Variants in CDH18 observed in about 807,000 individuals in gnomAD.
CDH18 encodes the protein cadherin 18.
A neutral mutation model predicts 67.9 loss-of-function variants in CDH18; 31 were observed. The observed-to-expected ratio is 0.46, with a 90% confidence interval of 0.34 to 0.62. CDH18 has a LOEUF of 0.62. Ranked by LOEUF, CDH18 falls within the 20% of genes least tolerant of loss-of-function variation. The pLI is 0.01. For synonymous variants in CDH18, 362 were observed against 347.2 expected, an observed-to-expected ratio of 1.04 and a Z score of -0.48; for missense variants, 890 against 975.5, an observed-to-expected ratio of 0.91 and a Z score of 1.17.
chr5:19,715,175 T>C (rs541455087), intron 5 of CDH18, among the ~76,000 whole-genome samples: 1 of 152,248 alleles, frequency 6.6e-6, no homozygotes, highest in Non-Finnish European at 1.5e-5. Context: ...CTAGACTTAA[T>C]ATTTTTCCTC....
chr5:20,060,363 C>T (rs1311537851), intron 2 of CDH18, among the ~76,000 whole-genome samples: 2 of 151,934 alleles, frequency 1.3e-5, no homozygotes, highest in African/African-American at 4.8e-5. Context: ...ACTCAGGAGG[C>T]TGAGGAAGGA....
At chr5:19,756,997 G>C (rs1554024952) in intron 3 of CDH18, among the ~76,000 whole-genome samples, 1 of 152,190 alleles carries the variant, frequency 6.6e-6, no homozygotes, top group Non-Finnish European at 1.5e-5. Context: ...TACCTAGTTG[G>C]TGTTGTAATT....
intron 1 of CDH18, among the ~76,000 whole-genome samples, chr5:20,557,028 T>C (rs1342945355): frequency 2.0e-5 from 3 of 152,280 alleles, no homozygotes; most frequent in Non-Finnish European, 4.4e-5. Context: ...AGAATAAGTA[T>C]GTTCTTGGAA....
intron 9 of CDH18, among the ~76,000 whole-genome samples, chr5:19,530,351 A>G (rs1748397135): frequency 6.6e-6 from 1 of 152,132 alleles, no homozygotes; most frequent in African/African-American, 2.4e-5. Context: ...AATTTTTGTT[A>G]CCTTTTGTTT....
chr5:20,550,739 G>C (rs1043233044), intron 1 of CDH18, among the ~76,000 whole-genome samples: 1 of 152,182 alleles, frequency 6.6e-6, no homozygotes, highest in Non-Finnish European at 1.5e-5. Context: ...AGTCCATTTA[G>C]TGTTGCTATG....
intron 2 of CDH18, among the ~76,000 whole-genome samples, chr5:19,979,608 A>G (rs1798841758): frequency 6.6e-6 from 1 of 152,184 alleles, no homozygotes; most frequent in South Asian, 2.1e-4. Flanking sequence ...TTAGTACTAA[A>G]TGAGAGTTTA....
intron 1 of CDH18, among the ~76,000 whole-genome samples, chr5:20,366,750 T>C (rs1400396795): frequency 1.3e-5 from 2 of 152,184 alleles, no homozygotes; most frequent in Non-Finnish European, 2.9e-5. Context: ...CCGATACATA[T>C]TAGCTAGCAT....
At chr5:19,748,132 A>AAAAAAAAAAAAAAAAAAT (rs1561215815) in intron 3 of CDH18, among the ~76,000 whole-genome samples, 1 of 144,332 alleles carries the variant, frequency 6.9e-6, no homozygotes, top group Non-Finnish European at 1.5e-5. Flanking sequence ...AAAAAAAAAA[A>AAAAAAAAAAAAAAAAAAT]AGAGTACTTT....
At chr5:19,702,161 T>TG (rs1385576916) in intron 5 of CDH18, among the ~76,000 whole-genome samples, 1 of 148,292 alleles carries the variant, frequency 6.7e-6, no homozygotes, top group Non-Finnish European at 1.5e-5. Context: ...TTTTTTTTTT[T>TG]TTTTTGAGAT....
At chr5:20,518,705 T>C (rs1178709950) in intron 1 of CDH18, among the ~76,000 whole-genome samples, 2 of 152,154 alleles carry the variant, frequency 1.3e-5, no homozygotes, top group African/African-American at 4.8e-5. Flanking sequence ...ATGCCACTCA[T>C]GTAATGATGG....
chr5:20,144,074 T>C (rs1008055359), intron 2 of CDH18, among the ~76,000 whole-genome samples: 3 of 151,988 alleles, frequency 2.0e-5, no homozygotes, highest in African/African-American at 7.3e-5. Context: ...GATAAAGACA[T>C]AGAAGGGGTG....
chr5:20,217,390 A>G (rs1265565728), intron 2 of CDH18, among the ~76,000 whole-genome samples: 2 of 151,942 alleles, frequency 1.3e-5, no homozygotes, highest in African/African-American at 4.8e-5. Flanking sequence ...AAGTTAAAAC[A>G]GAGAGTTTTA....
intron 1 of CDH18, among the ~76,000 whole-genome samples, chr5:20,311,686 C>T (rs930192872): frequency 5.3e-5 from 8 of 152,016 alleles, no homozygotes; most frequent in African/African-American, 1.9e-4. Context: ...GGAGAAATTC[C>T]TAATGTAGAT....
chr5:19,482,279 C>A (rs1739564583), intron 12 of CDH18, among the ~76,000 whole-genome samples: 1 of 151,952 alleles, frequency 6.6e-6, no homozygotes, highest in Non-Finnish European at 1.5e-5. Context: ...CCACCCCTGG[C>A]TAATTTTTTT....
intron 2 of CDH18, among the ~76,000 whole-genome samples, chr5:20,157,022 G>A (rs35837974): frequency 0.32 from 48,333 of 151,960 alleles, 8,750 homozygotes; most frequent in Admixed American, 0.41. Context: ...TTTGACCTGA[G>A]AACTGTGATG....
chr5:19,744,575 C>T (rs1769721627), intron 4 of CDH18, among the ~76,000 whole-genome samples: 1 of 151,374 alleles, frequency 6.6e-6, no homozygotes. Flanking sequence ...AACATTTTTC[C>T]TCTCTGTTAT....
intron 2 of CDH18, among the ~76,000 whole-genome samples, chr5:20,188,609 A>G (rs1738286603): frequency 6.6e-6 from 1 of 152,050 alleles, no homozygotes; most frequent in Non-Finnish European, 1.5e-5. Context: ...TTGCTGTCAC[A>G]GGGAGTTTAA....
intron 1 of CDH18, among the ~76,000 whole-genome samples, chr5:20,574,235 T>C (rs1353395569): frequency 6.6e-6 from 1 of 151,774 alleles, no homozygotes; most frequent in African/African-American, 2.4e-5. Context: ...AATTAAAATA[T>C]AAATAAGGGT....
At chr5:20,352,345 TG>T (rs1173446795) in intron 1 of CDH18, among the ~76,000 whole-genome samples, 1 of 152,120 alleles carries the variant, frequency 6.6e-6, no homozygotes, top group Non-Finnish European at 1.5e-5. Flanking sequence ...TTTACTTTAT[TG>T]TAAGAATACA....
Sources: allele counts gnomAD v4.1 joint callset (sites outside exome capture counted in the v4.1 genomes callset), GRCh38; gene constraint gnomAD v4.1.1; transcripts MANE v1.5; gene names NCBI Gene and HGNC (gene_info 2026-07-23, HGNC 2026-07-21).